RSF1: variants seen among roughly 807,000 people sequenced by gnomAD.
The protein encoded by RSF1 is remodeling and spacing factor 1.
RSF1 carries 13 observed loss-of-function variants against 145.2 expected under a neutral mutation model. That is an observed-to-expected ratio of 0.09 (90% CI 0.06 to 0.14). The LOEUF is 0.14. Among genes scored for constraint, RSF1 ranks in the 10% least tolerant of loss-of-function variants. RSF1 has a pLI of 1.00. For missense variants in RSF1, 1,517 were observed against 1,718.2 expected, an observed-to-expected ratio of 0.88 and a Z score of 2.07; for synonymous variants, 577 against 592.6, an observed-to-expected ratio of 0.97 and a Z score of 0.38.
Position 77,806,828 on chromosome 11 carries a change from T to C in RSF1, c.187+13700A>G, listed in dbSNP as rs572255127. Among the ~76,000 whole-genome samples the C allele has an allele frequency of 4.4e-4, 67 of 152,010 alleles. 1 individual carries two copies. Among genetic ancestry groups the C allele is most frequent in the East Asian group, 1.9e-4 (1 of 5,172 alleles). ...GTGAGAATTCAGTAATGTATATCTT[T>C]ACAAGCTATATCCAAAAGAAAAAAG... On this transcript the variant is annotated intron_variant, in intron 1 of 15. Transcript: ENST00000308488.
the RSF1 span, chr11:77,869,971 C>A: frequency 3.2e-6 from 2 of 621,994 alleles, no homozygotes; most frequent in Non-Finnish European, 2.8e-6. Flanking sequence ...ATTCCTCTGC[C>A]TCATCAGCGT....
intron 5 of RSF1, among the ~76,000 whole-genome samples, chr11:77,706,573 A>T (rs1960556084): frequency 1.3e-5 from 2 of 152,134 alleles, no homozygotes; most frequent in Non-Finnish European, 2.9e-5. Flanking sequence ...AGTTTCCCAA[A>T]GCTGCCATCA....
intron 14 of RSF1, among the ~76,000 whole-genome samples, chr11:77,673,794 A>G (rs1374615799): frequency 6.6e-6 from 1 of 152,224 alleles, no homozygotes. Flanking sequence ...TATTCCCACT[A>G]TAAATGCATA....
At chr11:77,865,238 G>A in the RSF1 span, among the ~76,000 whole-genome samples, 11 of 152,304 alleles carry the variant, frequency 7.2e-5, no homozygotes, top group African/African-American at 2.6e-4. Context: ...CCAAGGTGTT[G>A]TAATAGAAAT....
the RSF1 span, among the ~76,000 whole-genome samples, chr11:77,825,908 T>C: frequency 1.3e-5 from 2 of 152,042 alleles, no homozygotes; most frequent in East Asian, 3.9e-4. Flanking sequence ...GCCAGGCTGG[T>C]CTCAAACTCC....
chr11:77,718,434 C>T (rs1311689415), intron 5 of RSF1: 1 of 152,202 alleles, frequency 6.6e-6, no homozygotes, highest in Non-Finnish European at 1.5e-5. Context: ...CCAATTTCTT[C>T]CTCAGGTACC....
chr11:77,732,001 A>C (rs1359240435), intron 4 of RSF1, among the ~76,000 whole-genome samples: 5 of 152,226 alleles, frequency 3.3e-5, no homozygotes, highest in Non-Finnish European at 7.3e-5. Context: ...TCTAGACCCC[A>C]GAATGGTAGA....
intron 11 of RSF1, among the ~76,000 whole-genome samples, chr11:77,678,563 T>C (rs1471631927): frequency 1.3e-5 from 2 of 152,150 alleles, no homozygotes; most frequent in African/African-American, 4.8e-5. Context: ...TACTGTCTGA[T>C]TGTTTATGTC....
chr11:77,742,190 T>C (rs929768136), intron 3 of RSF1, among the ~76,000 whole-genome samples: 2 of 152,200 alleles, frequency 1.3e-5, no homozygotes, highest in Admixed American at 6.5e-5. Flanking sequence ...CATATGGTAG[T>C]TCTATTTTGA....
At chr11:77,671,942 T>G in intron 15 of RSF1, 100 bp downstream of exon 15, 26 of 1,137,028 alleles carry the variant, frequency 2.3e-5, no homozygotes, top group African/African-American at 3.1e-5. Context: ...CCTGGTTATA[T>G]GAGTTTCAAA....
At chr11:77,842,725 T>C in the RSF1 span, 1 of 1,510,438 alleles carries the variant, frequency 6.6e-7, no homozygotes, top group Non-Finnish European at 9.0e-7. Flanking sequence ...ATTTCTCTTG[T>C]GTCTTTTTGA....
intron 4 of RSF1, among the ~76,000 whole-genome samples, chr11:77,729,458 T>C (rs147746975): frequency 6.6e-6 from 1 of 152,260 alleles, no homozygotes; most frequent in Non-Finnish European, 1.5e-5. Flanking sequence ...CTAACCATTA[T>C]TATTGTGAAA....
chr11:77,705,742 G>C (rs1173945603), intron 5 of RSF1, among the ~76,000 whole-genome samples: 2 of 151,958 alleles, frequency 1.3e-5, no homozygotes, highest in Middle Eastern at 3.2e-3. Context: ...CCTGGAGAAG[G>C]AGCTGTGGTC....
chr11:77,738,549 A>C (rs1278850885), intron 4 of RSF1: 1 of 152,248 alleles, frequency 6.6e-6, no homozygotes, highest in Non-Finnish European at 1.5e-5. Flanking sequence ...TGCCCCATGG[A>C]TACCAAGGGA....
At chr11:77,740,622 ACT>A in intron 4 of RSF1, 107 bp downstream of exon 4, 1 of 949,634 alleles carries the variant, frequency 1.1e-6, no homozygotes, top group Non-Finnish European at 1.6e-6. Context: ...AACTCCCAAA[ACT>A]CACACACAAA....
intron 9 of RSF1, chr11:77,690,932 T>G (rs1565149498): frequency 1.9e-6 from 1 of 525,534 alleles, no homozygotes; most frequent in African/African-American, 1.9e-5. Flanking sequence ...GAGTATCATA[T>G]AATTTTCATG....
intron 8 of RSF1, among the ~76,000 whole-genome samples, chr11:77,692,018 G>A (rs1394475765): frequency 1.3e-5 from 2 of 152,048 alleles, no homozygotes; most frequent in Admixed American, 6.6e-5. Flanking sequence ...AGTTTTCTAA[G>A]TAGCAGGGAT....
At chr11:77,832,179 A>G in the RSF1 span, among the ~76,000 whole-genome samples, 1 of 152,108 alleles carries the variant, frequency 6.6e-6, no homozygotes, top group Admixed American at 6.6e-5. Context: ...CACACTGACA[A>G]TAGTTAACTG....
chr11:77,689,797 T>C (rs1960102524), intron 9 of RSF1, among the ~76,000 whole-genome samples: 1 of 152,192 alleles, frequency 6.6e-6, no homozygotes, highest in Non-Finnish European at 1.5e-5. Flanking sequence ...CAAATAAATA[T>C]GAACTGTTGT....
Sources: allele counts gnomAD v4.1 joint callset (sites outside exome capture counted in the v4.1 genomes callset), GRCh38; gene constraint gnomAD v4.1.1; transcripts MANE v1.5; gene names NCBI Gene and HGNC (gene_info 2026-07-23, HGNC 2026-07-21).